The following SCN9A variants were observed in gnomAD, a reference collection of about 807,000 sequenced individuals.
The protein encoded by SCN9A is sodium channel protein type 9 subunit alpha.
In SCN9A, 131 loss-of-function variants were observed where a neutral mutation model predicts 187.0. The observed-to-expected ratio is 0.70, with a 90% CI of 0.61 to 0.81. The LOEUF (loss-of-function observed/expected upper bound fraction) is 0.81. SCN9A is among the 30% of genes least tolerant of loss of function. The pLI is 0.00. For synonymous variants in SCN9A, 809 were observed against 808.6 expected, an observed-to-expected ratio of 1.00 and a Z score of -0.01; for missense variants, 2,252 against 2,396.6, an observed-to-expected ratio of 0.94 and a Z score of 1.26.
chr2:166,287,298 T>C (rs1374468221), intron 10 of SCN9A, among the ~76,000 whole-genome samples: 1 of 152,128 alleles, frequency 6.6e-6, no homozygotes, highest in Admixed American at 6.6e-5. Context: ...CCATTCTTTT[T>C]ATATGTATGT....
chr2:166,333,244 C>A (rs961116772), intron 1 of SCN9A, among the ~76,000 whole-genome samples: 4 of 152,006 alleles, frequency 2.6e-5, no homozygotes, highest in African/African-American at 7.2e-5. Flanking sequence ...TTTTACAGAA[C>A]AGTCTTAATC....
In SCN9A at chr2:166,311,657, C is replaced by T. The variant is rs1274442703; in HGVS notation, c.100G>A (p.Glu34Lys). The change falls in exon 2 of 27, where the codon GAA (glutamate) becomes AAA (lysine). Residue 34 changes from glutamate to lysine, a missense_variant. By Grantham distance (56) the Glu-to-Lys change is moderately conservative. This residue lies in a region of SCN9A where 1,013 missense variants were observed against 997.4 expected (regional missense o/e 1.02). Transcript: ENST00000642356. ...TCATCTTTCTTTTCTTCTTTGGGTT[C>T]CTTTGATTTTCTTTCAGCAATGCGT... ...EQRIAERKSK[E>K]PKEEKKDDDE... 2.5e-6 allele frequency: 4 copies of T among 1,613,040 alleles called. No homozygotes were observed. The highest frequency in any genetic ancestry group is 1.3e-5 in the African/African-American group (1 of 74,694).
At chr2:166,367,143 A>G (rs1244908378) in intron 1 of SCN9A, among the ~76,000 whole-genome samples, 1 of 152,216 alleles carries the variant, frequency 6.6e-6, no homozygotes, top group Non-Finnish European at 1.5e-5. Flanking sequence ...CCATCATCTT[A>G]TCCTGCACAA....
intron 1 of SCN9A, among the ~76,000 whole-genome samples, chr2:166,368,878 T>A (rs1700483738): frequency 6.6e-6 from 1 of 150,976 alleles, no homozygotes; most frequent in African/African-American, 2.4e-5. Context: ...TCCCGGCTAC[T>A]CGGGAGGCTG....
chr2:166,304,607 AT>A (rs1168264345), intron 5 of SCN9A, among the ~76,000 whole-genome samples: 1 of 152,148 alleles, frequency 6.6e-6, no homozygotes, highest in Non-Finnish European at 1.5e-5. Context: ...CATTATGGTA[AT>A]TTAGACTTTT....
chr2:166,201,981 C>CGG (rs1693558771), intron 26 of SCN9A, among the ~76,000 whole-genome samples: 1 of 151,540 alleles, frequency 6.6e-6, no homozygotes, highest in Admixed American at 6.6e-5. Flanking sequence ...TTTTTAACTT[C>CGG]TGTTTTTGGC....
At position 166,208,644 on chromosome 2, in the gene SCN9A, CATT is replaced by C. The variant is rs139251680; in HGVS notation, c.4399-4183_4399-4181del. On this transcript the variant is annotated intron_variant, in intron 24 of 26. Transcript: ENST00000642356. ...ATTAAAAACTAATTTCACATGAAAT[CATT>C]AGAGGTGAAAAAAGTACTTATGAGG... is the stretch of plus-strand genomic sequence containing the variant. Among the ~76,000 whole-genome samples the C allele has an allele frequency of 4.6e-3, 702 of 152,086 alleles. 5 individuals are homozygous for C. Among genetic ancestry groups the C allele is most frequent in the Non-Finnish European group, 5.6e-3 (379 of 67,992 alleles).
At position 166,307,103 on chromosome 2, in the gene SCN9A, T is replaced by C. The variant is rs185134458; in HGVS notation, c.259-29A>G. 98 of 1,292,090 alleles carry C rather than the reference T, an allele frequency of 7.6e-5. 1 individual carries two copies. The highest frequency in any genetic ancestry group is 5.1e-4 in the East Asian group (22 of 43,116). 80.0% of individuals were successfully genotyped at this position (1,292,090 alleles called of 1,614,324 possible). ...CAGGAGGAAAAAGAAAGGATGAAAT[T>C]GAGAATCCAAAATATCAATTTTTCA... On this transcript the variant is annotated intron_variant, in intron 2 of 26. Coordinates refer to ENST00000642356, the MANE Select transcript of SCN9A (RefSeq NM_001365536.1).
intron 21 of SCN9A, among the ~76,000 whole-genome samples, chr2:166,229,626 G>A (rs559997890): frequency 7.2e-5 from 11 of 152,108 alleles, no homozygotes; most frequent in South Asian, 4.2e-4. Context: ...AAGAGCAATC[G>A]TTTTAAATTT....
At chr2:166,362,236 C>A (rs1006919981) in intron 1 of SCN9A, among the ~76,000 whole-genome samples, 1 of 151,938 alleles carries the variant, frequency 6.6e-6, no homozygotes, top group South Asian at 2.1e-4. Flanking sequence ...TACTAACAAA[C>A]CTTTTGCAAA....
At chr2:166,334,991 C>A (rs896869736) in intron 1 of SCN9A, among the ~76,000 whole-genome samples, 1 of 152,196 alleles carries the variant, frequency 6.6e-6, no homozygotes, top group Admixed American at 6.6e-5. Flanking sequence ...TTAGTATTTG[C>A]TGGCTTACAT....
In SCN9A at chr2:166,311,787, C is replaced by T. The variant is rs200780217; in HGVS notation, c.-31G>A. 111 of 1,547,910 alleles carry T rather than the reference C, an allele frequency of 7.2e-5. No homozygotes were observed. Among genetic ancestry groups the T allele is most frequent in the Non-Finnish European group, 9.4e-5 (107 of 1,142,716 alleles). On this transcript the variant is annotated 5_prime_UTR_variant, in exon 2 of 27. Coordinates refer to ENST00000642356, the MANE Select transcript of SCN9A (RefSeq NM_001365536.1). ...CATCCTGTATATTTTAATTCCTCTT[C>T]AGCTCCTCACATAAGAGGCCTGGAT...
chr2:166,330,469 A>G (rs1203675435), intron 1 of SCN9A, among the ~76,000 whole-genome samples: 3 of 152,190 alleles, frequency 2.0e-5, no homozygotes, highest in Admixed American at 1.3e-4. Flanking sequence ...CTTAGCATTC[A>G]TGTTGTTGTA....
At chr2:166,270,295 T>C (rs1696917655) in intron 17 of SCN9A, among the ~76,000 whole-genome samples, 1 of 152,114 alleles carries the variant, frequency 6.6e-6, no homozygotes, top group African/African-American at 2.4e-5. Flanking sequence ...GATTTACTTT[T>C]ACATTATAAG....
chr2:166,283,769 T>G (rs1697601145), intron 12 of SCN9A, among the ~76,000 whole-genome samples: 1 of 152,144 alleles, frequency 6.6e-6, no homozygotes, highest in Admixed American at 6.6e-5. Context: ...CATTCTAAAT[T>G]TTTTCAAGAT....
rs1700676620 is a variant in SCN9A, at chr2:166,375,842, T to TA, written c.-197dup. On this transcript the variant is annotated 5_prime_UTR_variant, in exon 1 of 27. Coordinates refer to ENST00000642356, the MANE Select transcript of SCN9A (RefSeq NM_001365536.1). ...CTGTTGCTCAGGGGACGCCTGCCGCTAGCAGCCACTGGCACCCAGGCTAGC... is the reference window on the plus strand; with the variant it reads ...CTGTTGCTCAGGGGACGCCTGCCGCTAAGCAGCCACTGGCACCCAGGCTAGC... 1 of 152,234 alleles carries TA rather than the reference T, an allele frequency of 6.6e-6. No individual in the cohort carries two copies. Among genetic ancestry groups the TA allele is most frequent in the African/African-American group, 2.4e-5 (1 of 41,462 alleles). The allele number at this position is 152,234 out of a possible 1,614,324, so 9.4% of individuals were successfully genotyped here. A position where few individuals can be genotyped will look rare whatever the true frequency, so the allele number is the denominator to read the frequency against.
chr2:166,328,260 T>A (rs1699412806), intron 1 of SCN9A, among the ~76,000 whole-genome samples: 1 of 152,000 alleles, frequency 6.6e-6, no homozygotes, highest in Non-Finnish European at 1.5e-5. Context: ...CATTTTTTTT[T>A]TAACTTTTAT....
chr2:166,255,560 A>G (rs1479431466), intron 17 of SCN9A, among the ~76,000 whole-genome samples: 2 of 151,488 alleles, frequency 1.3e-5, no homozygotes, highest in Non-Finnish European at 3.0e-5. Context: ...AGAAGAAACT[A>G]TCAAACACAG....
At chr2:166,315,766 T>C (rs1247352721) in intron 1 of SCN9A, among the ~76,000 whole-genome samples, 1 of 152,158 alleles carries the variant, frequency 6.6e-6, no homozygotes, top group African/African-American at 2.4e-5. Context: ...AAATGGAGCC[T>C]CACACTTCAC....
Sources: gnomAD v4.1 joint callset for allele counts (sites outside exome capture counted in the v4.1 genomes callset) on GRCh38, gnomAD v4.1.1 for gene constraint, gnomAD v4.1.1 regional missense constraint, MANE v1.5 for transcripts, NCBI Gene and HGNC (gene_info 2026-07-23, HGNC 2026-07-21) for gene names.